The following CA10 variants were observed in gnomAD, a reference collection of about 807,000 sequenced individuals.
CA10 encodes carbonic anhydrase 10 (inactive), also known as carbonic anhydrase-related protein 10.
Under a neutral mutation model 44.2 loss-of-function variants are expected in CA10, and 14 were observed. That is an observed-to-expected ratio of 0.32 (90% CI 0.21 to 0.50). CA10 has a LOEUF of 0.50. CA10 is among the 20% of genes least tolerant of loss of function. CA10 has a pLI of 0.99. For synonymous variants in CA10, 159 were observed against 141.6 expected, an observed-to-expected ratio of 1.12 and a Z score of -0.87; for missense variants, 350 against 409.7, an observed-to-expected ratio of 0.85 and a Z score of 1.26.
At chr17:51,793,496 A>G (rs1906599251) in intron 3 of CA10, among the ~76,000 whole-genome samples, 1 of 152,154 alleles carries the variant, frequency 6.6e-6, no homozygotes. Flanking sequence ...AACTTATTAC[A>G]TTATCACCCA....
At chr17:51,688,097 C>T (rs1462867977) in intron 4 of CA10, among the ~76,000 whole-genome samples, 1 of 152,194 alleles carries the variant, frequency 6.6e-6, no homozygotes, top group Non-Finnish European at 1.5e-5. Context: ...ACTCAAGCAG[C>T]CCTATGGGAA....
chr17:51,888,559 T>C (rs976117603), intron 3 of CA10, among the ~76,000 whole-genome samples: 1 of 152,244 alleles, frequency 6.6e-6, no homozygotes, highest in Admixed American at 6.5e-5. Context: ...TATTTTTAAA[T>C]TGCATTCCTC....
rs559167468 is a variant in CA10, at chr17:52,065,950, C to T, written c.136+6369G>A. On this transcript the variant is annotated intron_variant, in intron 2 of 8. Transcript: ENST00000451037. ...CTCTTGACAGTGAGTGAGTTTTCAT[C>T]GCATCCAGTTGTTCCTTCACTCAGC... Among the ~76,000 whole-genome samples the T allele has an allele frequency of 3.9e-5, 6 of 152,276 alleles. No individual in the cohort carries two copies. In the East Asian group the frequency reaches 7.7e-4, roughly 20 times the overall value.
intron 3 of CA10, among the ~76,000 whole-genome samples, chr17:51,893,924 A>G (rs1429944494): frequency 6.6e-6 from 1 of 152,174 alleles, no homozygotes; most frequent in Non-Finnish European, 1.5e-5. Flanking sequence ...AAACACATAT[A>G]TGGCAATAGA....
In CA10 at chr17:52,142,143, G is replaced by A. The variant is rs542085293; in HGVS notation, c.61+15583C>T. ...TGAGCAAAAGCACAGGTAAGTGTCT[G>A]CAAGGTGCCTTCACAGAATCCTGAG... is the stretch of plus-strand genomic sequence containing the variant. On this transcript the variant is annotated intron_variant, in intron 1 of 8. Transcript: ENST00000451037. Among the ~76,000 whole-genome samples, 46 of 152,334 alleles carry A rather than the reference G, an allele frequency of 3.0e-4. No homozygotes were observed. The South Asian group carries it at 4.6e-3, about 15-fold the overall frequency.
intron 1 of CA10, among the ~76,000 whole-genome samples, chr17:52,138,305 G>A (rs142703955): frequency 8.5e-5 from 13 of 152,202 alleles, no homozygotes; most frequent in South Asian, 2.1e-4. Flanking sequence ...GGCCCACCCA[G>A]ATAATCTAGG....
chr17:51,782,067 CCAAT>C (rs1249335663), intron 3 of CA10, among the ~76,000 whole-genome samples: 3 of 152,172 alleles, frequency 2.0e-5, no homozygotes, highest in Non-Finnish European at 4.4e-5. Flanking sequence ...GTCTCTTTCC[CCAAT>C]CAGACTGTTT....
At chr17:51,643,859 A>T (rs28461935) in intron 6 of CA10, among the ~76,000 whole-genome samples, 3 of 152,022 alleles carry the variant, frequency 2.0e-5, no homozygotes, top group African/African-American at 7.3e-5. Context: ...TTGACTCATT[A>T]CCTTGTTTGA....
At chr17:52,142,745 C>T (rs959866102) in intron 1 of CA10, among the ~76,000 whole-genome samples, 25 of 152,062 alleles carry the variant, frequency 1.6e-4, no homozygotes, top group African/African-American at 4.8e-4. Context: ...GAGACAGCAC[C>T]GCTCATATTC....
upstream of CA10, chr17:52,158,766 C>G (rs1403671291): frequency 6.6e-6 from 1 of 152,518 alleles, no homozygotes; most frequent in Non-Finnish European, 1.5e-5. Flanking sequence ...CTTCCCAACT[C>G]AGAGAGGAGG....
At chr17:51,790,572 G>T (rs1163855123) in intron 3 of CA10, among the ~76,000 whole-genome samples, 1 of 152,020 alleles carries the variant, frequency 6.6e-6, no homozygotes, top group East Asian at 1.9e-4. Flanking sequence ...CAATTTATTT[G>T]CCTGCAAATG....
chr17:51,635,533 A>G (rs1181843672), intron 7 of CA10, among the ~76,000 whole-genome samples: 4 of 151,796 alleles, frequency 2.6e-5, no homozygotes, highest in African/African-American at 9.7e-5. Context: ...AAAAAAAAAG[A>G]TGGAGGTAGA....
intron 3 of CA10, among the ~76,000 whole-genome samples, chr17:51,872,012 C>T (rs1458612330): frequency 6.6e-6 from 1 of 152,150 alleles, no homozygotes; most frequent in Admixed American, 6.5e-5. Flanking sequence ...GTGTCCTGTA[C>T]AAGATGGCAT....
intron 2 of CA10, among the ~76,000 whole-genome samples, chr17:51,947,595 G>A (rs1306188698): frequency 6.6e-6 from 1 of 152,116 alleles, no homozygotes; most frequent in African/African-American, 2.4e-5. Context: ...TTGGAGCTAG[G>A]GTGAAACTAC....
At chr17:51,686,898 T>C (rs1220901163) in intron 4 of CA10, among the ~76,000 whole-genome samples, 2 of 152,182 alleles carry the variant, frequency 1.3e-5, no homozygotes, top group Admixed American at 1.3e-4. Flanking sequence ...CAGTTCCAAC[T>C]TGAAAACATC....
At chr17:51,634,521 A>C (rs1482176979) in intron 7 of CA10, among the ~76,000 whole-genome samples, 2 of 151,916 alleles carry the variant, frequency 1.3e-5, no homozygotes, top group East Asian at 3.9e-4. Flanking sequence ...GCTGGAGCAA[A>C]CTCATGTAAT....
At chr17:52,004,622 T>C (rs1308020166) in intron 2 of CA10, among the ~76,000 whole-genome samples, 1 of 151,940 alleles carries the variant, frequency 6.6e-6, no homozygotes, top group Non-Finnish European at 1.5e-5. Context: ...GGAATAAATG[T>C]ATGACTTTTG....
At chr17:51,872,530 T>C (rs1457819110) in intron 3 of CA10, among the ~76,000 whole-genome samples, 3 of 152,218 alleles carry the variant, frequency 2.0e-5, no homozygotes, top group Admixed American at 1.3e-4. Context: ...ATCTGCCTTC[T>C]GTCAAGAGAT....
intron 3 of CA10, among the ~76,000 whole-genome samples, chr17:51,809,855 A>G (rs1907286548): frequency 6.6e-6 from 1 of 152,332 alleles, no homozygotes; most frequent in Admixed American, 6.5e-5. Context: ...CCAGTGAATT[A>G]TGTCAAATAT....
Sources: gnomAD v4.1 joint callset for allele counts (sites outside exome capture counted in the v4.1 genomes callset) on GRCh38, gnomAD v4.1.1 for gene constraint, MANE v1.5 for transcripts, NCBI Gene and HGNC (gene_info 2026-07-23, HGNC 2026-07-21) for gene names.